JAZF1: variants seen among roughly 807,000 people sequenced by gnomAD.
JAZF1 encodes the protein JAZF zinc finger 1.
A neutral mutation model predicts 26.4 loss-of-function variants in JAZF1; 8 were observed. The ratio of observed to expected loss-of-function variants is 0.30; its 90% CI spans 0.18 to 0.55. JAZF1 has a LOEUF of 0.55. Among genes scored for constraint, JAZF1 ranks in the 20% least tolerant of loss-of-function variants. The probability of loss-of-function intolerance (pLI) is 0.94; values close to 1 mark genes in which losing one functional copy is unlikely to be tolerated. For missense variants in JAZF1, 199 were observed against 322.0 expected (o/e 0.62, Z 2.92); for synonymous variants, 126 against 122.3 (o/e 1.03, Z -0.20).
At chr7:28,097,197 G>T (rs1410611975) in intron 1 of JAZF1, among the ~76,000 whole-genome samples, 1 of 151,904 alleles carries the variant, frequency 6.6e-6, no homozygotes, top group Non-Finnish European at 1.5e-5. Context: ...TGAAATCTTG[G>T]CTCCCACCAC....
In JAZF1 at chr7:28,145,178, C is replaced by T. The variant is rs1308645617; in HGVS notation, c.115+35285G>A. Among the ~76,000 whole-genome samples, 5 of 152,116 alleles carry T rather than the reference C, an allele frequency of 3.3e-5. No individual in the cohort carries two copies. In the South Asian group the frequency reaches 1.0e-3, roughly 32 times the overall value. On this transcript the variant is annotated intron_variant, in intron 1 of 4. Transcript: ENST00000283928. Reference sequence around the variant, plus strand: ...AACCTAGAGAGCTCCCATCCTTGATCCCTTCTAAACCGGATCCACATTTCC... The same window carrying T: ...AACCTAGAGAGCTCCCATCCTTGATTCCTTCTAAACCGGATCCACATTTCC...
At chr7:28,140,522 C>T (rs530507890) in intron 1 of JAZF1, among the ~76,000 whole-genome samples, 1 of 150,296 alleles carries the variant, frequency 6.7e-6, no homozygotes, top group East Asian at 2.0e-4. Context: ...ACCTGCCACC[C>T]CTCACCCCAA....
chr7:28,151,106 TATATA>T (rs752349710), intron 1 of JAZF1, among the ~76,000 whole-genome samples: 1 of 99,834 alleles, frequency 1.0e-5, no homozygotes, highest in Non-Finnish European at 2.2e-5. Flanking sequence ...TATATATATA[TATATA>T]TTTTTTTTTT....
intron 1 of JAZF1, among the ~76,000 whole-genome samples, chr7:28,170,332 TTGATATGTGTGTGTGTGTGTGTGTG>T (rs1306180790): frequency 1.7e-4 from 25 of 143,716 alleles, no homozygotes; most frequent in Non-Finnish European, 2.9e-4. Flanking sequence ...AAAAGAGAAG[TTGATATGTGTGTGTGTGTGTGTGTG>T]TGTGTGTGTG....
At chr7:28,152,813 G>C (rs1014039368) in intron 1 of JAZF1, among the ~76,000 whole-genome samples, 1 of 152,170 alleles carries the variant, frequency 6.6e-6, no homozygotes, top group African/African-American at 2.4e-5. Flanking sequence ...TAGGAGGTTT[G>C]AAAAGGGGAC....
At chr7:27,980,362 T>C (rs1401311703) in intron 2 of JAZF1, among the ~76,000 whole-genome samples, 1 of 152,236 alleles carries the variant, frequency 6.6e-6, no homozygotes, top group Non-Finnish European at 1.5e-5. Context: ...AGCCCACTTT[T>C]AAGAAAATCA....
At chr7:28,114,596 GTTTT>G (rs11287110) in intron 1 of JAZF1, among the ~76,000 whole-genome samples, 2 of 143,872 alleles carry the variant, frequency 1.4e-5, no homozygotes, top group Admixed American at 7.0e-5. Flanking sequence ...TTCTTTTTAG[GTTTT>G]TTTTTTTTTC....
At chr7:28,081,484 C>T (rs1784136302) in intron 1 of JAZF1, among the ~76,000 whole-genome samples, 2 of 152,132 alleles carry the variant, frequency 1.3e-5, no homozygotes, top group African/African-American at 4.8e-5. Flanking sequence ...TGCGCCATTC[C>T]CCCAGCTATT....
intron 2 of JAZF1, chr7:27,914,643 G>C: frequency 2.2e-6 from 1 of 449,600 alleles, no homozygotes; most frequent in Non-Finnish European, 4.7e-6. Flanking sequence ...GGACAAGAGT[G>C]CTGTGTGGCC....
intron 1 of JAZF1, among the ~76,000 whole-genome samples, chr7:28,116,633 G>A (rs1206433458): frequency 7.2e-5 from 11 of 151,756 alleles, no homozygotes; most frequent in Non-Finnish European, 1.6e-4. Context: ...TAGCAGAGAC[G>A]GGGTTTCACC....
chr7:27,861,475 A>G (rs1293289232), intron 3 of JAZF1, among the ~76,000 whole-genome samples: 1 of 151,656 alleles, frequency 6.6e-6, no homozygotes, highest in Non-Finnish European at 1.5e-5. Flanking sequence ...TTTCTAAAAT[A>G]GCTCTCTGTC....
chr7:27,868,698 G>C (rs1368929044), intron 3 of JAZF1, among the ~76,000 whole-genome samples: 1 of 152,322 alleles, frequency 6.6e-6, no homozygotes, highest in Middle Eastern at 3.4e-3. Flanking sequence ...CTCCTGGAAA[G>C]AGAGAGCATG....
At chr7:28,039,370 G>C (rs1233324516) in intron 1 of JAZF1, among the ~76,000 whole-genome samples, 1 of 152,156 alleles carries the variant, frequency 6.6e-6, no homozygotes, top group Non-Finnish European at 1.5e-5. Flanking sequence ...ACAGAGGGAA[G>C]ACAAGGAAGA....
intron 2 of JAZF1, among the ~76,000 whole-genome samples, chr7:27,900,974 C>CT (rs35553979): frequency 1.4e-3 from 198 of 143,350 alleles, no homozygotes; most frequent in East Asian, 1.6e-3. Context: ...TGTGTAAAAA[C>CT]TTTTTTTTTT....
At chr7:27,947,360 T>C (rs1036883170) in intron 2 of JAZF1, among the ~76,000 whole-genome samples, 1 of 152,200 alleles carries the variant, frequency 6.6e-6, no homozygotes, top group Admixed American at 6.5e-5. Context: ...CAGTTCAATT[T>C]CATCTCTGAA....
chr7:28,106,411 C>A (rs1429110637), intron 1 of JAZF1, among the ~76,000 whole-genome samples: 1 of 152,186 alleles, frequency 6.6e-6, no homozygotes, highest in African/African-American at 2.4e-5. Flanking sequence ...CCAATTACCA[C>A]ATGTCATCAT....
chr7:28,153,398 A>G (rs1783137458), intron 1 of JAZF1, among the ~76,000 whole-genome samples: 1 of 152,208 alleles, frequency 6.6e-6, no homozygotes, highest in Admixed American at 6.5e-5. Context: ...TATTCAAAAA[A>G]GTGAGTAACT....
chr7:28,163,951 G>A (rs1231336289), intron 1 of JAZF1, among the ~76,000 whole-genome samples: 2 of 152,182 alleles, frequency 1.3e-5, no homozygotes, highest in Non-Finnish European at 2.9e-5. Context: ...AATAATTCTG[G>A]CCTTGGCCAT....
intron 1 of JAZF1, among the ~76,000 whole-genome samples, chr7:28,100,919 C>G (rs1274170613): frequency 1.3e-5 from 2 of 151,994 alleles, no homozygotes; most frequent in African/African-American, 4.8e-5. Context: ...AAAAACAAAA[C>G]AAAACTTTAG....
Sources: allele counts gnomAD v4.1 joint callset (sites outside exome capture counted in the v4.1 genomes callset), GRCh38; gene constraint gnomAD v4.1.1; transcripts MANE v1.5; gene names NCBI Gene and HGNC (gene_info 2026-07-23, HGNC 2026-07-21).